The following XK variants were observed in gnomAD, a reference collection of about 807,000 sequenced individuals.
XK encodes X-linked Kx blood group antigen, Kell and VPS13A binding protein.
Under a neutral mutation model 14.0 loss-of-function variants are expected in XK, and 2 were observed. The ratio of observed to expected loss-of-function variants is 0.14; its 90% CI spans 0.06 to 0.45. The LOEUF (loss-of-function observed/expected upper bound fraction) is 0.45, where lower values mean the gene tolerates loss of function less well. XK is among the 20% of genes least tolerant of loss of function. XK has a pLI of 0.98. For synonymous variants in XK, 149 were observed against 147.5 expected (o/e 1.01, Z -0.08); for missense variants, 235 against 341.5 (o/e 0.69, Z 2.46).
chrX:37,718,344 G>A lies in XK; in HGVS notation c.509-9292G>A, dbSNP rs976628656. ...TAAAATTTTATGTAAATGGAATCAG[G>A]GTTCTGGTTTCTTTCACTCACACTG... On this transcript the variant is annotated intron_variant, in intron 2 of 2. Transcript: ENST00000378616. Among the ~76,000 whole-genome samples the A allele has an allele frequency of 1.3e-4, 14 of 111,535 alleles. 1 individual carries two copies. The highest frequency in any genetic ancestry group is 4.2e-4 in the African/African-American group (13 of 30,725).
chrX:37,705,029 A>T lies in XK; in HGVS notation c.508+10481A>T, dbSNP rs147208702. ...GAACAAAACATATGTAAGCATAATG[A>T]TTAATCCTATTTTGAAGTAAGTCTA... On this transcript the variant is annotated intron_variant, in intron 2 of 2. Transcript: ENST00000378616. 7.9e-3 allele frequency among the ~76,000 whole-genome samples: 889 copies of T among 112,368 alleles called. 1 individual carries two copies. The highest frequency in any genetic ancestry group is 0.027 in the African/African-American group (838 of 30,930).
Position 37,728,435 on chromosome X carries a change from G to C in XK, c.1308G>C (p.Leu436Phe). Residue 436 changes from leucine to phenylalanine, a missense_variant, in exon 3 of 3, where the codon TTG becomes TTC. Physicochemically the swap from Leu to Phe is conservative, Grantham distance 22. Transcript: ENST00000378616. Reference sequence around the variant, plus strand: ...CAAGTCCTGAGCCTGGTCAGTTCTTGAATGCTGAAGATCTCTGCTCTGCTT... The same window carrying C: ...CAAGTCCTGAGCCTGGTCAGTTCTTCAATGCTGAAGATCTCTGCTCTGCTT... ...SKTSPEPGQF[L>F]NAEDLCSA 1 of 1,209,586 alleles carries C rather than the reference G, an allele frequency of 8.3e-7. No homozygotes were observed. Among genetic ancestry groups the C allele is most frequent in the Non-Finnish European group, 1.1e-6 (1 of 895,303 alleles).
intron 1 of XK, among the ~76,000 whole-genome samples, chrX:37,689,197 T>C (rs1475650847): frequency 3.6e-5 from 4 of 112,156 alleles, no homozygotes; most frequent in African/African-American, 6.5e-5. Flanking sequence ...AAGGAGTTAT[T>C]GGACCCATGA....
At chrX:37,696,015 T>C (rs1490451318) in intron 2 of XK, among the ~76,000 whole-genome samples, 4 of 112,317 alleles carry the variant, frequency 3.6e-5, no homozygotes, top group Non-Finnish European at 3.8e-5. Flanking sequence ...AGAAATCAGA[T>C]GTGATGATAG....
intron 2 of XK, among the ~76,000 whole-genome samples, chrX:37,720,938 A>G (rs1927857957): frequency 9.0e-6 from 1 of 111,423 alleles, no homozygotes; most frequent in Non-Finnish European, 1.9e-5. Flanking sequence ...GTTTGATTCC[A>G]TATCTTTACT....
chrX:37,723,001 G>A (rs1276309588), intron 2 of XK, among the ~76,000 whole-genome samples: 1 of 111,803 alleles, frequency 8.9e-6, no homozygotes, highest in Non-Finnish European at 1.9e-5. Flanking sequence ...CTGGAATTGG[G>A]TAGGAGGAAG....
Position 37,724,013 on chromosome X carries a change from G to C in XK, c.509-3623G>C, listed in dbSNP as rs944464795. On this transcript the variant is annotated intron_variant, in intron 2 of 2. Transcript: ENST00000378616. ...AATGGTGTTTCTACCTTTTAAATTT[G>C]ATTAGTAGATTCCAGTCTTTCCAGT... 8.1e-5 allele frequency among the ~76,000 whole-genome samples: 9 copies of C among 111,014 alleles called. No individual in the cohort carries two copies. In the South Asian group the frequency reaches 3.4e-3, roughly 41 times the overall value.
At chrX:37,711,966 TAAA>T (rs1292520805) in intron 2 of XK, among the ~76,000 whole-genome samples, 2 of 110,618 alleles carry the variant, frequency 1.8e-5, no homozygotes, top group Non-Finnish European at 3.8e-5. Flanking sequence ...TGGTAAAAAT[TAAA>T]AAAAACAATT....
chrX:37,699,380 G>T (rs1927365732), intron 2 of XK, among the ~76,000 whole-genome samples: 1 of 112,408 alleles, frequency 8.9e-6, no homozygotes, highest in East Asian at 2.8e-4. Flanking sequence ...ACATTTTAAA[G>T]ATTCTATTTA....
At chrX:37,724,518 A>T (rs1927940017) in intron 2 of XK, among the ~76,000 whole-genome samples, 1 of 111,735 alleles carries the variant, frequency 8.9e-6, no homozygotes, top group South Asian at 3.6e-4. Context: ...CACAGACCTA[A>T]ATACAGAATA....
chrX:37,727,364 T>TAA (rs1211807474), intron 2 of XK, among the ~76,000 whole-genome samples: 2 of 111,198 alleles, frequency 1.8e-5, no homozygotes, highest in African/African-American at 6.5e-5. Flanking sequence ...GTATTCCAGC[T>TAA]CCTAATCTGG....
Position 37,686,171 on chromosome X carries a change from G to C in XK, c.210G>C (p.Leu70=), listed in dbSNP as rs782743070. The C allele has an allele frequency of 4.9e-5, 59 of 1,207,971 alleles. No homozygotes were observed. In the Middle Eastern group the frequency reaches 3.9e-3, roughly 80 times the overall value. The part of the protein sequence containing the change: ...RDLSRDRPLV[L]LLHLLQLGPL... ...TCAGCCGCGACCGCCCGCTCGTACT[G>C]CTGCTGCACCTGCTGCAACTTGGGC... The change falls in exon 1 of 3, where the codon CTG becomes CTC. Residue 70 remains leucine, a synonymous_variant. Transcript: ENST00000378616.
chrX:37,716,794 GTTTT>G (rs1927775074), intron 2 of XK, among the ~76,000 whole-genome samples: 1 of 111,797 alleles, frequency 8.9e-6, no homozygotes. Flanking sequence ...TAAAGGAAGA[GTTTT>G]TTTGTTTGTT....
At chrX:37,696,894 T>G (rs781866366) in intron 2 of XK, among the ~76,000 whole-genome samples, 31 of 111,823 alleles carry the variant, frequency 2.8e-4, no homozygotes, top group Non-Finnish European at 5.6e-4. Flanking sequence ...AGGGTAGATA[T>G]ATTTCTCTTT....
chrX:37,718,187 C>T (rs1927802029), intron 2 of XK, among the ~76,000 whole-genome samples: 1 of 111,300 alleles, frequency 9.0e-6, no homozygotes, highest in African/African-American at 3.3e-5. Flanking sequence ...AGGTGAGAAA[C>T]AAAAGAGTAT....
At chrX:37,713,306 G>A in intron 2 of XK, among the ~76,000 whole-genome samples, 1 of 111,599 alleles carries the variant, frequency 9.0e-6, no homozygotes, top group East Asian at 2.8e-4. Context: ...TTACAACATG[G>A]AAGCTAGATC....
intron 2 of XK, among the ~76,000 whole-genome samples, chrX:37,707,896 C>T (rs928108601): frequency 6.2e-5 from 7 of 112,378 alleles, no homozygotes; most frequent in Non-Finnish European, 1.3e-4. Flanking sequence ...ATCACGCCAC[C>T]GCACTCCAGC....
chrX:37,693,011 A>C (rs1156258887), intron 1 of XK, among the ~76,000 whole-genome samples: 1 of 109,965 alleles, frequency 9.1e-6, no homozygotes, highest in Non-Finnish European at 1.9e-5. Flanking sequence ...TCTTTCTCCT[A>C]GCAACAAATG....
rs1160194395 is a variant in XK at position 37,731,731 on chromosome X, C to T, written c.*3269C>T. ...ACAAAAATAGCACCCAAACACATGG[C>T]ACTTGGAAGAAAAAGACCCACTGAA... is the stretch of plus-strand genomic sequence containing the variant. On this transcript the variant is annotated 3_prime_UTR_variant, in exon 3 of 3. Transcript: ENST00000378616. 1 of 111,584 alleles carries T rather than the reference C, an allele frequency of 9.0e-6. No individual in the cohort carries two copies. Among genetic ancestry groups the T allele is most frequent in the African/African-American group, 3.3e-5 (1 of 30,726 alleles). 9.2% of individuals were successfully genotyped at this position (111,584 alleles called of 1,213,427 possible). A position where few individuals can be genotyped will look rare whatever the true frequency, so the allele number is the denominator to read the frequency against.
Sources: gnomAD v4.1 joint callset for allele counts (sites outside exome capture counted in the v4.1 genomes callset) on GRCh38, gnomAD v4.1.1 for gene constraint, MANE v1.5 for transcripts, NCBI Gene and HGNC (gene_info 2026-07-23, HGNC 2026-07-21) for gene names.